The following SKIC3 variants were observed in gnomAD, a reference collection of about 807,000 sequenced individuals.
The protein encoded by SKIC3 is SKI3 subunit of superkiller complex.
the SKIC3 span, among the ~76,000 whole-genome samples, chr5:95,491,897 T>C: frequency 6.6e-6 from 1 of 152,192 alleles, no homozygotes; most frequent in Non-Finnish European, 1.5e-5. Flanking sequence ...GTTAACAATA[T>C]AGACACTTGA....
the SKIC3 span, among the ~76,000 whole-genome samples, chr5:95,490,405 T>C: frequency 1.3e-5 from 2 of 148,170 alleles, no homozygotes; most frequent in Admixed American, 6.7e-5. Context: ...TGAATATATA[T>C]ATATACATTA....
chr5:95,485,285 C>T, the SKIC3 span, among the ~76,000 whole-genome samples: 1 of 152,146 alleles, frequency 6.6e-6, no homozygotes, highest in Non-Finnish European at 1.5e-5. Context: ...TGTCCCCAAC[C>T]TACTCCATCC....
the SKIC3 span, among the ~76,000 whole-genome samples, chr5:95,541,019 T>C: frequency 4.6e-5 from 7 of 152,202 alleles, no homozygotes; most frequent in African/African-American, 1.7e-4. Context: ...CAGGCTGGAA[T>C]GCAATGGCAC....
chr5:95,468,434 T>A, the SKIC3 span, among the ~76,000 whole-genome samples: 1 of 152,178 alleles, frequency 6.6e-6, no homozygotes, highest in African/African-American at 2.4e-5. Context: ...ATATTCAATG[T>A]CTACATTACA....
At chr5:95,549,050 TAA>T in the SKIC3 span, among the ~76,000 whole-genome samples, 1 of 151,970 alleles carries the variant, frequency 6.6e-6, no homozygotes, top group Non-Finnish European at 1.5e-5. Context: ...TTAAGACATA[TAA>T]GTCATTCAAT....
chr5:95,503,750 T>C, the SKIC3 span: 58 of 1,603,840 alleles, frequency 3.6e-5, 4 homozygotes, highest in Middle Eastern at 7.6e-3. Context: ...TCTTTCTGTA[T>C]GTGTGCTCAT....
At chr5:95,552,800 T>G in the SKIC3 span, among the ~76,000 whole-genome samples, 1 of 151,502 alleles carries the variant, frequency 6.6e-6, no homozygotes, top group Non-Finnish European at 1.5e-5. Context: ...AAAAGAGTAA[T>G]CAAAACAATG....
At chr5:95,478,649 A>T in the SKIC3 span, among the ~76,000 whole-genome samples, 5 of 152,264 alleles carry the variant, frequency 3.3e-5, no homozygotes, top group East Asian at 9.6e-4. Flanking sequence ...TAGCAAATTG[A>T]CCCCGGCAAT....
the SKIC3 span, among the ~76,000 whole-genome samples, chr5:95,543,556 C>G: frequency 6.6e-6 from 1 of 152,030 alleles, no homozygotes; most frequent in African/African-American, 2.4e-5. Context: ...TAAAGCTGCC[C>G]GAGGGATACT....
At chr5:95,550,751 A>G in the SKIC3 span, 1 of 152,520 alleles carries the variant, frequency 6.6e-6, no homozygotes, top group Non-Finnish European at 1.5e-5. Context: ...TTCATAATTC[A>G]TAATTTAAAA....
the SKIC3 span, among the ~76,000 whole-genome samples, chr5:95,534,552 G>A: frequency 3.2e-4 from 49 of 152,026 alleles, 1 homozygote; most frequent in Admixed American, 1.7e-3. Context: ...TTAATAAAAA[G>A]CCTCACAATC....
the SKIC3 span, among the ~76,000 whole-genome samples, chr5:95,472,740 G>T: frequency 6.6e-6 from 1 of 152,002 alleles, no homozygotes; most frequent in Non-Finnish European, 1.5e-5. Context: ...CCAACAGGTA[G>T]TTTATCAATC....
the SKIC3 span, chr5:95,478,335 G>A: frequency 6.2e-7 from 1 of 1,613,928 alleles, no homozygotes; most frequent in South Asian, 1.1e-5. Context: ...ACAGACTTGA[G>A]AGCTTCCCAC....
chr5:95,516,785 C>T, the SKIC3 span: 1 of 1,603,618 alleles, frequency 6.2e-7, no homozygotes, highest in Non-Finnish European at 8.5e-7. Flanking sequence ...ATTTTTATTT[C>T]TTGGAATAGC....
At chr5:95,516,422 A>G in the SKIC3 span, 1 of 1,613,082 alleles carries the variant, frequency 6.2e-7, no homozygotes, top group African/African-American at 1.3e-5. Context: ...AAAAAACATA[A>G]CATTTTTTTT....
chr5:95,492,652 GAAAAAAAAAAAAAAAAAAAAAAAAAA>G, the SKIC3 span, among the ~76,000 whole-genome samples: 7 of 48,846 alleles, frequency 1.4e-4, no homozygotes, highest in African/African-American at 4.3e-4. Context: ...AAAAAAAAAA[GAAAAAAAAAAAAAAAAAAAAAAAAAA>G]AAAAAAAAAA....
the SKIC3 span, chr5:95,497,354 A>T: frequency 1.5e-6 from 2 of 1,345,062 alleles, no homozygotes; most frequent in Admixed American, 1.9e-5. Context: ...GTTTAAAATT[A>T]TCATATTTAC....
chr5:95,546,956 T>C, the SKIC3 span: 1 of 1,154,636 alleles, frequency 8.7e-7, no homozygotes, highest in Non-Finnish European at 1.3e-6. Context: ...TAAATGGCCT[T>C]ACCACTTTTG....
the SKIC3 span, among the ~76,000 whole-genome samples, chr5:95,537,295 G>T: frequency 6.6e-6 from 1 of 152,186 alleles, no homozygotes; most frequent in African/African-American, 2.4e-5. Flanking sequence ...AAATGTACAT[G>T]TAAGTTTTGG....
Sources: gnomAD v4.1 joint callset for allele counts (sites outside exome capture counted in the v4.1 genomes callset) on GRCh38, gnomAD v4.1.1 for gene constraint, MANE v1.5 for transcripts, NCBI Gene and HGNC (gene_info 2026-07-23, HGNC 2026-07-21) for gene names.